The following DLG2 variants were observed in gnomAD, a reference collection of about 807,000 sequenced individuals.
DLG2 encodes the protein disks large homolog 2.
Under a neutral mutation model 132.5 loss-of-function variants are expected in DLG2, and 45 were observed. The observed-to-expected ratio is 0.34, with a 90% CI of 0.27 to 0.44. The LOEUF is 0.44. Among genes scored for constraint, DLG2 ranks in the 20% least tolerant of loss-of-function variants. The pLI is 1.00. For missense variants in DLG2, 1,045 were observed against 1,196.9 expected (o/e 0.87, Z 1.87); for synonymous variants, 424 against 419.6 (o/e 1.01, Z -0.13).
intron 8 of DLG2, among the ~76,000 whole-genome samples, chr11:84,193,335 G>C (rs1211125029): frequency 3.9e-5 from 6 of 152,152 alleles, no homozygotes; most frequent in Admixed American, 2.0e-4. Context: ...CCTGAGATTC[G>C]AAGATATTAA....
intron 7 of DLG2, among the ~76,000 whole-genome samples, chr11:84,514,099 A>T (rs544113767): frequency 6.6e-6 from 1 of 152,148 alleles, no homozygotes; most frequent in Non-Finnish European, 1.5e-5. Context: ...CGTGCTCAAC[A>T]TCACCGATCA....
chr11:84,335,896 G>A (rs1168024105), intron 7 of DLG2, among the ~76,000 whole-genome samples: 1 of 152,132 alleles, frequency 6.6e-6, no homozygotes, highest in Non-Finnish European at 1.5e-5. Context: ...TGATGAAAAT[G>A]ACTTTCAGTC....
intron 4 of DLG2, among the ~76,000 whole-genome samples, chr11:85,204,844 A>C (rs553863873): frequency 6.6e-6 from 1 of 152,160 alleles, no homozygotes; most frequent in African/African-American, 2.4e-5. Flanking sequence ...ACACAGGCCA[A>C]TGAAACAGAA....
intron 7 of DLG2, among the ~76,000 whole-genome samples, chr11:84,421,155 T>C (rs2098949497): frequency 6.6e-6 from 1 of 152,170 alleles, no homozygotes; most frequent in African/African-American, 2.4e-5. Context: ...CAGCTGTCTA[T>C]GAACCAGGAA....
chr11:85,338,577 A>G, intron 3 of DLG2, among the ~76,000 whole-genome samples: 1 of 152,090 alleles, frequency 6.6e-6, no homozygotes, highest in Non-Finnish European at 1.5e-5. Context: ...TTACTATAGT[A>G]ATATTTCCAT....
At chr11:84,793,483 A>T (rs1047599570) in intron 6 of DLG2, among the ~76,000 whole-genome samples, 1 of 152,190 alleles carries the variant, frequency 6.6e-6, no homozygotes. Context: ...GATCTGTCCA[A>T]TGTTGACAGT....
intron 3 of DLG2, among the ~76,000 whole-genome samples, chr11:85,433,393 C>T (rs1183469989): frequency 6.6e-6 from 1 of 152,112 alleles, no homozygotes; most frequent in Admixed American, 6.6e-5. Flanking sequence ...AGTCAAAACC[C>T]ACCAGTGTTC....
At chr11:85,189,783 T>C (rs921584837) in intron 4 of DLG2, among the ~76,000 whole-genome samples, 1 of 152,144 alleles carries the variant, frequency 6.6e-6, no homozygotes, top group African/African-American at 2.4e-5. Context: ...AGTTGAACAC[T>C]ACACTCACAA....
At chr11:83,882,853 T>C (rs2154076682) in intron 15 of DLG2, among the ~76,000 whole-genome samples, 1 of 152,292 alleles carries the variant, frequency 6.6e-6, no homozygotes, top group Non-Finnish European at 1.5e-5. Context: ...AAGAATAGCA[T>C]GGGAGAATTT....
Position 85,593,976 on chromosome 11 carries a change from C to T in DLG2, c.40+4681G>A, listed in dbSNP as rs1011001233. ...TATCCCTATTGCATAGCACAATGTC[C>T]AACACATAACTGGTATTTTTAAAAG... On this transcript the variant is annotated intron_variant, in intron 3 of 27. Coordinates refer to ENST00000376104, the MANE Select transcript of DLG2 (RefSeq NM_001142699.3). 4.0e-5 allele frequency among the ~76,000 whole-genome samples: 6 copies of T among 151,800 alleles called. No individual in the cohort carries two copies. The East Asian group carries it at 1.2e-3, about 29-fold the overall frequency.
chr11:84,781,818 G>A (rs567362795), intron 6 of DLG2, among the ~76,000 whole-genome samples: 1 of 152,214 alleles, frequency 6.6e-6, no homozygotes, highest in South Asian at 2.1e-4. Flanking sequence ...CCTCAGTGCT[G>A]AACAACTTTT....
chr11:85,406,518 G>A (rs2088755576), intron 3 of DLG2, among the ~76,000 whole-genome samples: 1 of 151,804 alleles, frequency 6.6e-6, no homozygotes, highest in Non-Finnish European at 1.5e-5. Context: ...TCATCATGTT[G>A]CTGAGACAGA....
At chr11:84,710,650 T>C (rs2153766322) in intron 6 of DLG2, among the ~76,000 whole-genome samples, 1 of 152,044 alleles carries the variant, frequency 6.6e-6, no homozygotes, top group African/African-American at 2.4e-5. Flanking sequence ...TACAGTGCAC[T>C]GGACCAGCAT....
At chr11:83,855,347 CA>C (rs1415682348) in intron 16 of DLG2, among the ~76,000 whole-genome samples, 1 of 152,148 alleles carries the variant, frequency 6.6e-6, no homozygotes, top group South Asian at 2.1e-4. Flanking sequence ...AACACATGTC[CA>C]CAAAAAAACC....
At chr11:85,589,063 G>C (rs2079139810) in intron 3 of DLG2, among the ~76,000 whole-genome samples, 1 of 152,174 alleles carries the variant, frequency 6.6e-6, no homozygotes, top group African/African-American at 2.4e-5. Context: ...CGCCTGCCCT[G>C]TTGGAGGTGG....
chr11:84,426,963 A>C (rs1472328122), intron 7 of DLG2, among the ~76,000 whole-genome samples: 1 of 152,008 alleles, frequency 6.6e-6, no homozygotes, highest in Non-Finnish European at 1.5e-5. Context: ...AAAACCTAGA[A>C]CTCTCTCAGA....
At chr11:85,425,481 TA>T (rs1202126143) in intron 3 of DLG2, among the ~76,000 whole-genome samples, 1 of 152,146 alleles carries the variant, frequency 6.6e-6, no homozygotes. Context: ...GAGGTTATGG[TA>T]AAAGTGGTAC....
At chr11:83,856,964 C>T (rs1424888405) in intron 16 of DLG2, among the ~76,000 whole-genome samples, 1 of 152,130 alleles carries the variant, frequency 6.6e-6, no homozygotes, top group East Asian at 1.9e-4. Context: ...TTGGGTTTTA[C>T]ATTTAAGTGT....
At chr11:85,478,610 C>A (rs1237995912) in intron 3 of DLG2, among the ~76,000 whole-genome samples, 4 of 152,160 alleles carry the variant, frequency 2.6e-5, no homozygotes. Flanking sequence ...TATTTCACTA[C>A]TCTGAGGCTG....
Sources: gnomAD v4.1 joint callset for allele counts (sites outside exome capture counted in the v4.1 genomes callset) on GRCh38, gnomAD v4.1.1 for gene constraint, MANE v1.5 for transcripts, NCBI Gene and HGNC (gene_info 2026-07-23, HGNC 2026-07-21) for gene names.